The following NRXN1 variants were observed in gnomAD, a reference collection of about 807,000 sequenced individuals.
NRXN1 encodes neurexin-1.
In NRXN1, 39 loss-of-function variants were observed where a neutral mutation model predicts 150.9. The ratio of observed to expected loss-of-function variants is 0.26; its 90% CI spans 0.20 to 0.34. NRXN1 has a LOEUF of 0.34. Ranked by LOEUF, NRXN1 falls within the 10% of genes least tolerant of loss-of-function variation. NRXN1 has a pLI of 1.00. For missense variants in NRXN1, 1,815 were observed against 1,949.9 expected (o/e 0.93, Z 1.30); for synonymous variants, 924 against 757.0 (o/e 1.22, Z -3.62).
chr2:50,598,716 G>GTA (rs1553864400), intron 8 of NRXN1, among the ~76,000 whole-genome samples: 1 of 144,566 alleles, frequency 6.9e-6, no homozygotes, highest in Non-Finnish European at 1.5e-5. Flanking sequence ...ACATATATAT[G>GTA]TATATATACA....
chr2:50,537,988 CTT>C (rs1224988305), intron 10 of NRXN1, among the ~76,000 whole-genome samples: 21 of 152,264 alleles, frequency 1.4e-4, no homozygotes, highest in Admixed American at 1.3e-3. Flanking sequence ...TATAATACAT[CTT>C]AGGCTCATAC....
chr2:50,200,924 G>A (rs569642264), intron 18 of NRXN1, among the ~76,000 whole-genome samples: 14 of 151,894 alleles, frequency 9.2e-5, no homozygotes, highest in Non-Finnish European at 1.8e-4. Context: ...AAATAAGAAT[G>A]TGCTGCCCAA....
chr2:50,447,256 T>C (rs1284929280), intron 17 of NRXN1, among the ~76,000 whole-genome samples: 1 of 151,870 alleles, frequency 6.6e-6, no homozygotes, highest in Non-Finnish European at 1.5e-5. Flanking sequence ...GGCAGATCAC[T>C]GGAGGTCAGA....
chr2:50,549,141 G>C lies in NRXN1; in HGVS notation c.1759+3446C>G, dbSNP rs115153251. ...TTTCATGAAATTTCCATGTTTCTTA[G>C]TTGTAAGTGACCTCTGAATCTTACT... is the stretch of plus-strand genomic sequence containing the variant. On this transcript the variant is annotated intron_variant, in intron 9 of 22. Transcript: ENST00000401669. Among the ~76,000 whole-genome samples the C allele has an allele frequency of 9.5e-3, 1,449 of 152,126 alleles. 27 individuals carry two copies. Among genetic ancestry groups the C allele is most frequent in the African/African-American group, 0.033 (1,349 of 41,484 alleles).
chr2:50,795,245 T>C (rs1706646582), intron 5 of NRXN1, among the ~76,000 whole-genome samples: 1 of 152,092 alleles, frequency 6.6e-6, no homozygotes, highest in Non-Finnish European at 1.5e-5. Context: ...GCCCCCACAT[T>C]TACATTTTAA....
chr2:50,055,001 A>T lies in NRXN1; in HGVS notation c.3762T>A (p.Ile1254=), dbSNP rs753850059. ...CAACTACTCGACCAAGTCGATATGG[A>T]ATTCGCTGTCTAGCAATCGCCAGGC... ...NERLAIARQR[I]PYRLGRVVDE... is the part of the protein sequence containing the mutation. Residue 1254 remains isoleucine, a synonymous_variant, in exon 20 of 23, where the codon ATT becomes ATA. Transcript: ENST00000401669. The T allele has an allele frequency of 6.2e-7, 1 of 1,601,144 alleles. No individual in the cohort carries two copies. The highest frequency in any genetic ancestry group is 8.5e-7 in the Non-Finnish European group (1 of 1,175,184).
intron 8 of NRXN1, chr2:50,616,075 T>G (rs944835001): frequency 1.1e-4 from 16 of 152,174 alleles, no homozygotes; most frequent in Non-Finnish European, 1.8e-4. Flanking sequence ...TATTTATAAT[T>G]TTTCTTTAAC....
chr2:50,395,434 A>G (rs2081994691), intron 17 of NRXN1, among the ~76,000 whole-genome samples: 1 of 151,652 alleles, frequency 6.6e-6, no homozygotes. Flanking sequence ...TTTTCTACAC[A>G]TTATTTATCT....
At chr2:50,888,021 A>G (rs1044956291) in intron 5 of NRXN1, among the ~76,000 whole-genome samples, 2 of 151,376 alleles carry the variant, frequency 1.3e-5, no homozygotes, top group African/African-American at 4.8e-5. Flanking sequence ...ATTTTCATTT[A>G]CATGGTCTGT....
At chr2:50,432,684 T>A (rs2085076171) in intron 17 of NRXN1, among the ~76,000 whole-genome samples, 2 of 152,176 alleles carry the variant, frequency 1.3e-5, no homozygotes, top group African/African-American at 2.4e-5. Context: ...TCCTTTCATG[T>A]CATTTTTTTC....
At chr2:50,858,073 G>A (rs1675527905) in intron 5 of NRXN1, among the ~76,000 whole-genome samples, 1 of 148,872 alleles carries the variant, frequency 6.7e-6, no homozygotes, top group Non-Finnish European at 1.5e-5. Context: ...AAAAGGCTCA[G>A]CATGTTTTAC....
chr2:50,614,104 G>C (rs779407141), intron 8 of NRXN1, among the ~76,000 whole-genome samples: 51 of 152,242 alleles, frequency 3.3e-4, no homozygotes, highest in Non-Finnish European at 5.9e-4. Flanking sequence ...GTCAATGTAA[G>C]TAAATTGTAA....
rs184194178 is a variant in NRXN1 at position 49,961,090 on chromosome 2, G to A, written c.4129-17299C>T. Among the ~76,000 whole-genome samples, 231 of 151,920 alleles carry A rather than the reference G, an allele frequency of 1.5e-3. 1 individual carries two copies. The highest frequency in any genetic ancestry group is 2.6e-3 in the Non-Finnish European group (178 of 67,954). ...GCAAGAAAAAGCTGGATTTCTAGGG[G>A]TGTATGTTCTTCATGTTTTCTAGCG... is the stretch of plus-strand genomic sequence containing the variant. On this transcript the variant is annotated intron_variant, in intron 21 of 22. Coordinates refer to ENST00000401669, the MANE Select transcript of NRXN1 (RefSeq NM_001330078.2).
At chr2:50,541,241 A>G (rs570075648) in intron 9 of NRXN1, among the ~76,000 whole-genome samples, 2 of 152,256 alleles carry the variant, frequency 1.3e-5, no homozygotes, top group South Asian at 4.1e-4. Flanking sequence ...TGGGGAAAAA[A>G]GCCCTGGGAA....
intron 5 of NRXN1, among the ~76,000 whole-genome samples, chr2:50,745,449 A>T (rs1699912183): frequency 6.7e-6 from 1 of 148,888 alleles, no homozygotes; most frequent in Non-Finnish European, 1.5e-5. Context: ...GAGAAAACCA[A>T]ATCTAACATG....
intron 5 of NRXN1, among the ~76,000 whole-genome samples, chr2:50,646,091 G>A (rs1038284172): frequency 6.6e-6 from 1 of 151,906 alleles, no homozygotes; most frequent in African/African-American, 2.4e-5. Flanking sequence ...CATCCACAAA[G>A]ATATATAGAG....
intron 5 of NRXN1, among the ~76,000 whole-genome samples, chr2:50,900,391 A>G (rs1042268084): frequency 9.8e-5 from 15 of 152,308 alleles, no homozygotes; most frequent in Admixed American, 7.8e-4. Context: ...CGTAGTATGT[A>G]CTTGGGATCA....
At chr2:50,621,864 G>A (rs948884342) in intron 6 of NRXN1, among the ~76,000 whole-genome samples, 3 of 152,106 alleles carry the variant, frequency 2.0e-5, no homozygotes, top group African/African-American at 2.4e-5. Flanking sequence ...ATGGATTTGT[G>A]TTTAATCTGT....
At chr2:50,911,411 T>C (rs188526959) in intron 5 of NRXN1, among the ~76,000 whole-genome samples, 1 of 151,970 alleles carries the variant, frequency 6.6e-6, no homozygotes, top group Non-Finnish European at 1.5e-5. Context: ...ACCATACATT[T>C]CCATATAATT....
Sources: gnomAD v4.1 joint callset for allele counts (sites outside exome capture counted in the v4.1 genomes callset) on GRCh38, gnomAD v4.1.1 for gene constraint, MANE v1.5 for transcripts, NCBI Gene and HGNC (gene_info 2026-07-23, HGNC 2026-07-21) for gene names.